Variants in PCNT observed in about 807,000 individuals in gnomAD.
PCNT encodes the protein kendrin.
Under a neutral mutation model 380.4 loss-of-function variants are expected in PCNT, and 319 were observed. The observed-to-expected ratio is 0.84, with a 90% CI of 0.77 to 0.92. The LOEUF (loss-of-function observed/expected upper bound fraction) is 0.92, where lower values mean the gene tolerates loss of function less well. PCNT is among the 40% of genes least tolerant of loss of function. PCNT has a pLI of 0.00. For missense variants in PCNT, 4,400 were observed against 4,255.3 expected (o/e 1.03, Z -0.95); for synonymous variants, 1,845 against 1,735.2 (o/e 1.06, Z -1.57).
chr21:46,435,735 G>T (rs1364419779), intron 38 of PCNT, among the ~76,000 whole-genome samples, 169 bp from the exon 39 acceptor site: 1 of 151,790 alleles, frequency 6.6e-6, no homozygotes, highest in Non-Finnish European at 1.5e-5. Context: ...GTAGAGGTGG[G>T]GTTTCACTGT....
chr21:46,346,455 C>T (rs772450034), intron 4 of PCNT, among the ~76,000 whole-genome samples: 17 of 152,160 alleles, frequency 1.1e-4, no homozygotes, highest in Non-Finnish European at 2.4e-4. Context: ...CGGTTGCTCT[C>T]CCTGTCAGCT....
intron 15 of PCNT, among the ~76,000 whole-genome samples, chr21:46,381,259 A>G (rs1356771480): frequency 1.4e-5 from 2 of 146,572 alleles, no homozygotes; most frequent in Admixed American, 6.9e-5. Flanking sequence ...GAATTCATCT[A>G]TTGAACCTTA....
At chr21:46,411,113 A>T in intron 27 of PCNT, 76 bp from the exon 28 acceptor site, 1 of 1,392,406 alleles carries the variant, frequency 7.2e-7, no homozygotes, top group Non-Finnish European at 1.0e-6. Flanking sequence ...TGCATTCAGG[A>T]TGTAACGTGC....
At chr21:46,404,481 G>A (rs868574117) in intron 27 of PCNT, among the ~76,000 whole-genome samples, 18 of 152,202 alleles carry the variant, frequency 1.2e-4, no homozygotes, top group South Asian at 4.1e-4. Flanking sequence ...TTACCTCGGC[G>A]AGGTACGCCA....
chr21:46,387,318 C>T (rs9981941), intron 17 of PCNT, among the ~76,000 whole-genome samples: 19,546 of 152,160 alleles, frequency 0.13, 1,339 homozygotes, highest in South Asian at 0.21. Flanking sequence ...GTGGGTGTCT[C>T]GTAGCTTGGT....
intron 19 of PCNT, among the ~76,000 whole-genome samples, chr21:46,390,079 C>T (rs1287230350): frequency 6.6e-6 from 1 of 152,276 alleles, no homozygotes; most frequent in Non-Finnish European, 1.5e-5. Flanking sequence ...CTTCCAGAGC[C>T]TCAGCCTGGC....
chr21:46,367,261 C>T, intron 15 of PCNT, 122 bp downstream of exon 15: 1 of 792,980 alleles, frequency 1.3e-6, no homozygotes, highest in Non-Finnish European at 2.1e-6. Flanking sequence ...CTGTGTGTCT[C>T]ACAGGCTGCC....
Position 46,422,107 on chromosome 21 carries a change from C to A in PCNT, c.7162C>A (p.Arg2388Ser), listed in dbSNP as rs201562329. The change falls in exon 32 of 47, where the codon CGT (arginine) becomes AGT (serine). Residue 2388 changes from arginine (R) to serine (S), a missense_variant. Transcript: ENST00000359568. ...LPEAMKEKEV[R>S]PKHVKALLQM... Reference sequence around the variant, plus strand: ...GGAAGCCATGAAGGAGAAGGAAGTGCGTCCGAAGCACGTGAAGGTATGGCT... The same window carrying A: ...GGAAGCCATGAAGGAGAAGGAAGTGAGTCCGAAGCACGTGAAGGTATGGCT... The A allele has an allele frequency of 1.2e-6, 2 of 1,613,780 alleles. No homozygotes were observed. Among genetic ancestry groups the A allele is most frequent in the South Asian group, 1.1e-5 (1 of 91,088 alleles).
At chr21:46,330,074 T>C (rs2083508931) in intron 2 of PCNT, among the ~76,000 whole-genome samples, 1 of 152,188 alleles carries the variant, frequency 6.6e-6, no homozygotes, top group Non-Finnish European at 1.5e-5. Flanking sequence ...AAGCTAAACA[T>C]GCAGTCATCA....
In PCNT at chr21:46,442,593, T is replaced by C. The variant is rs778123939; in HGVS notation, c.9700+20T>C. The C allele has an allele frequency of 2.0e-5, 30 of 1,482,628 alleles. No individual in the cohort carries two copies. The highest frequency in any genetic ancestry group is 1.0e-5 in the Non-Finnish European group (11 of 1,060,048). The allele number at this position is 1,482,628 out of a possible 1,614,324, so 91.8% of individuals were successfully genotyped here. ...GCCCAGGTGGGACTCCAGCTGCTGT[T>C]GACCGCTGGACTCACAAACCTTTCT... is the stretch of plus-strand genomic sequence containing the variant. On this transcript the variant is annotated intron_variant, in intron 44 of 46. Coordinates refer to ENST00000359568, the MANE Select transcript of PCNT (RefSeq NM_006031.6).
chr21:46,421,916 T>G, intron 31 of PCNT, 54 bp from the exon 32 acceptor site: 1 of 1,599,566 alleles, frequency 6.3e-7, no homozygotes. Context: ...GTGCGTCCCC[T>G]GGGGAACCCC....
intron 35 of PCNT, among the ~76,000 whole-genome samples, 198 bp downstream of exon 35, chr21:46,428,788 G>C (rs1569295486): frequency 6.6e-6 from 1 of 152,220 alleles, no homozygotes; most frequent in Non-Finnish European, 1.5e-5. Context: ...GGCTGGCACG[G>C]AGGCCTCACT....
At chr21:46,438,990 T>C (rs535333324) in intron 41 of PCNT, among the ~76,000 whole-genome samples, 6 of 152,196 alleles carry the variant, frequency 3.9e-5, no homozygotes, top group African/African-American at 1.4e-4. Context: ...ATAATTTTCA[T>C]AATGGTATAG....
intron 8 of PCNT, among the ~76,000 whole-genome samples, 184 bp downstream of exon 8, chr21:46,350,004 A>G (rs888211856): frequency 6.6e-6 from 1 of 152,066 alleles, no homozygotes; most frequent in African/African-American, 2.4e-5. Context: ...TGGGCAGATC[A>G]TGAGCTCAGG....
chr21:46,374,013 C>A (rs548698861), intron 15 of PCNT, among the ~76,000 whole-genome samples: 2 of 152,304 alleles, frequency 1.3e-5, no homozygotes, highest in South Asian at 4.1e-4. Flanking sequence ...CAGGCGTGAG[C>A]CACTGCGCCC....
rs748263236 is a variant in PCNT, at chr21:46,427,749, G to A, written c.7448G>A (p.Gly2483Asp). 35 of 1,613,676 alleles carry A rather than the reference G, an allele frequency of 2.2e-5. No homozygotes were observed. The highest frequency in any genetic ancestry group is 2.4e-5 in the Non-Finnish European group (28 of 1,180,042). The change falls in exon 34 of 47, where the codon GGT (glycine) becomes GAT (aspartate). Residue 2483 changes from glycine to aspartate, a missense_variant. Transcript: ENST00000359568. ...CGACTCAGTGGCTCAGATCTGGGGG[G>A]TCACAGCTCCCTGCTCGAAAGGCTG... is the stretch of plus-strand genomic sequence containing the variant. ...QPRLSGSDLG[G>D]HSSLLERLEK...
At chr21:46,351,379 G>A (rs1292536277) in intron 8 of PCNT, 50 bp from the exon 9 acceptor site, 2 of 946,572 alleles carry the variant, frequency 2.1e-6, no homozygotes, top group South Asian at 1.3e-5. Context: ...CTGCTGGGGT[G>A]GGGGCCTTGA....
intron 13 of PCNT, among the ~76,000 whole-genome samples, chr21:46,358,450 C>T (rs530612354): frequency 1.3e-5 from 2 of 152,326 alleles, no homozygotes; most frequent in African/African-American, 2.4e-5. Context: ...TTGGTAAGGA[C>T]TTCCAGCAAA....
chr21:46,374,088 G>C (rs2085252499), intron 15 of PCNT, among the ~76,000 whole-genome samples: 1 of 152,016 alleles, frequency 6.6e-6, no homozygotes, highest in South Asian at 2.1e-4. Flanking sequence ...GAAAACAATT[G>C]GGCTGTGGGG....
Sources: allele counts gnomAD v4.1 joint callset (sites outside exome capture counted in the v4.1 genomes callset), GRCh38; gene constraint gnomAD v4.1.1; transcripts MANE v1.5; gene names NCBI Gene and HGNC (gene_info 2026-07-23, HGNC 2026-07-21).